PLEKHG4B: variants seen among roughly 807,000 people sequenced by gnomAD.
The protein encoded by PLEKHG4B is pleckstrin homology and RhoGEF domain containing G4B, also known as pleckstrin homology domain-containing family G member 4B.
A neutral mutation model predicts 121.3 loss-of-function variants in PLEKHG4B; 111 were observed. That is an observed-to-expected ratio of 0.92 (90% CI 0.78 to 1.07). PLEKHG4B has a LOEUF of 1.07. Among genes scored for constraint, PLEKHG4B ranks in the 50% least tolerant of loss-of-function variants. The pLI, the probability that PLEKHG4B is intolerant of heterozygous loss-of-function variation, is 0.00. For missense variants in PLEKHG4B, 1,831 were observed against 1,757.8 expected (o/e 1.04, Z -0.74); for synonymous variants, 738 against 725.0 (o/e 1.02, Z -0.29).
chr5:105,545 G>A (rs1733952714), intron 1 of PLEKHG4B, among the ~76,000 whole-genome samples: 1 of 152,220 alleles, frequency 6.6e-6, no homozygotes, highest in South Asian at 2.1e-4. Flanking sequence ...GCAGTGGTTT[G>A]GGGAGGCCAG....
At position 152,077 on chromosome 5, in the gene PLEKHG4B, C is replaced by CT; in HGVS notation, c.1992+481dup. Among the ~76,000 whole-genome samples the CT allele has an allele frequency of 2.6e-5, 4 of 152,282 alleles. No homozygotes were observed. In the South Asian group the frequency reaches 8.3e-4, roughly 32 times the overall value. ...CCTTTGGCTGTTTCCAAGGTACTTC[C>CT]TTTCTTTTGAGCAAATCGCAATGCG... is the stretch of plus-strand genomic sequence containing the variant. On this transcript the variant is annotated intron_variant, in intron 7 of 19. Coordinates refer to ENST00000637938, the MANE Select transcript of PLEKHG4B (RefSeq NM_052909.5).
chr5:154,396 G>A (rs548983726), intron 7 of PLEKHG4B, among the ~76,000 whole-genome samples: 4 of 152,178 alleles, frequency 2.6e-5, no homozygotes, highest in East Asian at 3.9e-4. Flanking sequence ...ACTCCCACAC[G>A]CGGGCAGCGG....
At chr5:133,941 C>CATAT (rs1553984840) in intron 2 of PLEKHG4B, among the ~76,000 whole-genome samples, 14 of 146,354 alleles carry the variant, frequency 9.6e-5, no homozygotes, top group African/African-American at 3.3e-4. Flanking sequence ...CACACACACA[C>CATAT]ATATATATAT....
chr5:101,465 G>T (rs1352375886), intron 1 of PLEKHG4B, among the ~76,000 whole-genome samples: 1 of 124,246 alleles, frequency 8.0e-6, no homozygotes, highest in Admixed American at 7.4e-5. Flanking sequence ...GCCTGTAGGG[G>T]AGAGACTGTT....
intron 3 of PLEKHG4B, 76 bp downstream of exon 3, chr5:140,792 C>T (rs1735151011): frequency 7.7e-7 from 1 of 1,292,494 alleles, no homozygotes; most frequent in Non-Finnish European, 1.0e-6. Context: ...CCCTGCACAC[C>T]CCACCCCCTT....
chr5:121,115 C>T (rs182460405), intron 2 of PLEKHG4B, among the ~76,000 whole-genome samples: 135 of 151,936 alleles, frequency 8.9e-4, no homozygotes, highest in African/African-American at 3.1e-3. Flanking sequence ...GTCATGGTGG[C>T]GGGTGCCTGT....
chr5:141,796 C>T (rs1735214640), intron 3 of PLEKHG4B, among the ~76,000 whole-genome samples: 1 of 134,496 alleles, frequency 7.4e-6, no homozygotes, highest in South Asian at 2.3e-4. Context: ...AAAATGTGAA[C>T]ATACTGATGT....
intron 1 of PLEKHG4B, among the ~76,000 whole-genome samples, chr5:105,311 A>C (rs1451283311): frequency 2.6e-5 from 4 of 152,250 alleles, no homozygotes. Context: ...GTGTTAGGTG[A>C]AATTTCAAAT....
chr5:183,991 C>CGATAGATGATA lies in PLEKHG4B; in HGVS notation c.*1675_*1676insGATAGATAGAT, dbSNP rs1553992883. ...CAGACAGATAGATAGATAGATAGATCGATAGATAGATAGATAGATAGATAG... is the reference window on the plus strand; with the variant it reads ...CAGACAGATAGATAGATAGATAGATCGATAGATGATAGATAGATAGATAGATAGATAGATAG... On this transcript the variant is annotated 3_prime_UTR_variant, in exon 20 of 20. Transcript: ENST00000637938. 6.7e-5 allele frequency: 7 copies of CGATAGATGATA among 104,614 alleles called. No homozygotes were observed. Among genetic ancestry groups the CGATAGATGATA allele is most frequent in the South Asian group, 6.3e-4 (2 of 3,182 alleles). 6.5% of individuals were successfully genotyped at this position (104,614 alleles called of 1,614,324 possible).
intron 6 of PLEKHG4B, 143 bp downstream of exon 6, chr5:145,063 A>C: frequency 1.5e-6 from 1 of 650,922 alleles, no homozygotes; most frequent in Non-Finnish European, 2.6e-6. Context: ...GTGCAGAGCC[A>C]CCTCCTTCTT....
At chr5:142,938 A>G in intron 3 of PLEKHG4B, 109 bp from the exon 4 acceptor site, 1 of 1,050,660 alleles carries the variant, frequency 9.5e-7, no homozygotes, top group East Asian at 2.4e-5. Flanking sequence ...GGAACCCCCT[A>G]CTTTCATGCG....
intron 6 of PLEKHG4B, among the ~76,000 whole-genome samples, chr5:145,662 G>A (rs1322569303): frequency 6.6e-6 from 1 of 152,190 alleles, no homozygotes; most frequent in Non-Finnish European, 1.5e-5. Context: ...TGTGGCCTAG[G>A]GGCCCTGCAC....
Position 163,333 on chromosome 5 carries a change from G to C in PLEKHG4B, c.3261G>C (p.Glu1087Asp). ...TGATAAAGAAAACGCAAAGTTTCGA[G>C]ATACCTCAGCCCGACAGTGGCCCCA... is the stretch of plus-strand genomic sequence containing the variant. ...KKMIKKTQSF[E>D]IPQPDSGPRD... Residue 1087 changes from glutamate to aspartate, a missense_variant, in exon 13 of 20, where the codon GAG becomes GAC. By Grantham distance (45) the Glu-to-Asp change is conservative. Transcript: ENST00000637938. 3 of 1,613,418 alleles carry C rather than the reference G, an allele frequency of 1.9e-6. No homozygotes were observed. Among genetic ancestry groups the C allele is most frequent in the Non-Finnish European group, 2.5e-6 (3 of 1,180,018 alleles).
chr5:120,841 T>C (rs1333391219), intron 2 of PLEKHG4B, among the ~76,000 whole-genome samples: 5 of 152,242 alleles, frequency 3.3e-5, no homozygotes, highest in African/African-American at 1.2e-4. Context: ...GTTGGAATTA[T>C]CAGACAGAGA....
chr5:103,228 C>G (rs1733875960), intron 1 of PLEKHG4B, among the ~76,000 whole-genome samples: 1 of 152,192 alleles, frequency 6.6e-6, no homozygotes, highest in South Asian at 2.1e-4. Context: ...CCAGGTGCAT[C>G]CTGTGAAGTT....
chr5:162,801 A>G lies in PLEKHG4B; in HGVS notation c.2729A>G (p.Gln910Arg). 3 of 1,499,814 alleles carry G rather than the reference A, an allele frequency of 2.0e-6. No individual in the cohort carries two copies. Among genetic ancestry groups the G allele is most frequent in the Non-Finnish European group, 2.7e-6 (3 of 1,125,134 alleles). The allele number at this position is 1,499,814 out of a possible 1,614,324, so 92.9% of individuals were successfully genotyped here. ...PVAECLRSCHQEATSVAAEAF... is the reference protein window; with the variant it reads ...PVAECLRSCHREATSVAAEAF... The stretch of plus-strand genomic sequence containing the variant: ...GCTGAGTGTTTGAGGAGCTGTCACC[A>G]GGAGGCTACCTCGGTGGCTGCAGAG... The change falls in exon 13 of 20, where the codon CAG (glutamine) becomes CGG (arginine). Residue 910 changes from glutamine (Q) to arginine (R), a missense_variant. Coordinates refer to ENST00000637938, the MANE Select transcript of PLEKHG4B (RefSeq NM_052909.5).
In PLEKHG4B at chr5:139,911, C is replaced by T. The variant is rs936839299; in HGVS notation, c.672C>T (p.Pro224=). The T allele has an allele frequency of 2.5e-5, 10 of 404,276 alleles. No individual in the cohort carries two copies. The East Asian group carries it at 3.6e-4, about 14-fold the overall frequency. The allele number at this position is 404,276 out of a possible 1,614,324, so 25.0% of individuals were successfully genotyped here. A position where few individuals can be genotyped will look rare whatever the true frequency, so the allele number is the denominator to read the frequency against. Residue 224 remains proline (P), a synonymous_variant, in exon 3 of 20, where the codon CCC becomes CCT. Coordinates refer to ENST00000637938, the MANE Select transcript of PLEKHG4B (RefSeq NM_052909.5). This position sits in a 1 kb window ranked among gnomAD's most constrained non-coding sequence, Gnocchi z 5.0. ...GTCCTGAGCGGCTGCCCAGCAGCCC[C>T]TCAGAGGCCCCAGTCCCCACCCAAG... ...CTGPERLPSS[P]SEAPVPTQAT...
chr5:182,627 A>C lies in PLEKHG4B; in HGVS notation c.*304A>C. 1 of 367,118 alleles carries C rather than the reference A, an allele frequency of 2.7e-6. No homozygotes were observed. Among genetic ancestry groups the C allele is most frequent in the Non-Finnish European group, 5.0e-6 (1 of 199,494 alleles). The allele number at this position is 367,118 out of a possible 1,614,324, so 22.7% of individuals were successfully genotyped here. ...AACATGAAACAAAAGATGTCAAGACACAAGACATTTGGCAACAAAGGACCG... is the reference window on the plus strand; with the variant it reads ...AACATGAAACAAAAGATGTCAAGACCCAAGACATTTGGCAACAAAGGACCG... On this transcript the variant is annotated 3_prime_UTR_variant, in exon 20 of 20. Coordinates refer to ENST00000637938, the MANE Select transcript of PLEKHG4B (RefSeq NM_052909.5).
intron 3 of PLEKHG4B, among the ~76,000 whole-genome samples, chr5:141,710 C>CTTTTT (rs1735210144): frequency 1.0e-4 from 13 of 126,514 alleles, no homozygotes; most frequent in African/African-American, 3.6e-4. Context: ...TTAAATATTT[C>CTTTTT]ATTTTTTTTT....
Sources: allele counts gnomAD v4.1 joint callset (sites outside exome capture counted in the v4.1 genomes callset), GRCh38; gene constraint gnomAD v4.1.1; non-coding constraint Gnocchi (gnomAD v3.1); transcripts MANE v1.5; gene names NCBI Gene and HGNC (gene_info 2026-07-23, HGNC 2026-07-21).